CADM2: variants seen among roughly 807,000 people sequenced by gnomAD.
CADM2 encodes cell adhesion molecule 2.
Under a neutral mutation model 49.8 loss-of-function variants are expected in CADM2, and 12 were observed. That is an observed-to-expected ratio of 0.24 (90% CI 0.15 to 0.39). The LOEUF is 0.39. CADM2 is among the 10% of genes least tolerant of loss of function. The pLI is 1.00. For missense variants in CADM2, 378 were observed against 492.3 expected, an observed-to-expected ratio of 0.77 and a Z score of 2.20; for synonymous variants, 214 against 175.4, an observed-to-expected ratio of 1.22 and a Z score of -1.74.
intron 1 of CADM2, among the ~76,000 whole-genome samples, chr3:85,316,689 A>T (rs1321921569): frequency 6.6e-6 from 1 of 152,196 alleles, no homozygotes; most frequent in East Asian, 1.9e-4. Flanking sequence ...TGTTTGAGAT[A>T]CATGTACTTA....
At chr3:85,216,559 A>G (rs1490110496) in intron 1 of CADM2, among the ~76,000 whole-genome samples, 1 of 151,892 alleles carries the variant, frequency 6.6e-6, no homozygotes, top group Non-Finnish European at 1.5e-5. Context: ...TTTTGATACA[A>G]TAAAGCTGCT....
chr3:85,469,502 A>G lies in CADM2; in HGVS notation c.62-257020A>G, dbSNP rs1425684940. ...AAATGATAGGAGTGGCCAGAGCTCAATTTATTCAAAGAGCACCAAATATGA... is the reference window on the plus strand; with the variant it reads ...AAATGATAGGAGTGGCCAGAGCTCAGTTTATTCAAAGAGCACCAAATATGA... On this transcript the variant is annotated intron_variant, in intron 1 of 9. Coordinates refer to ENST00000383699, the MANE Select transcript of CADM2 (RefSeq NM_001167675.2). Among the ~76,000 whole-genome samples, 3 of 152,176 alleles carry G rather than the reference A, an allele frequency of 2.0e-5. No homozygotes were observed. In the East Asian group the frequency reaches 5.8e-4, roughly 29 times the overall value.
chr3:85,512,009 T>G (rs1333035422), intron 1 of CADM2: 1 of 371,802 alleles, frequency 2.7e-6, no homozygotes, highest in African/African-American at 2.2e-5. Flanking sequence ...TAAAATTTTT[T>G]TCAACTCTCA....
chr3:85,080,566 A>G (rs558662568), intron 1 of CADM2, among the ~76,000 whole-genome samples: 24 of 152,226 alleles, frequency 1.6e-4, no homozygotes, highest in African/African-American at 5.8e-4. Flanking sequence ...TTAATCTAAT[A>G]GTACCTCAGG....
intron 1 of CADM2, among the ~76,000 whole-genome samples, chr3:85,149,502 G>A (rs113838181): frequency 0.013 from 2,036 of 152,172 alleles, 41 homozygotes; most frequent in African/African-American, 0.045. Flanking sequence ...TGAGGCAGGC[G>A]GATCATGAGG....
At chr3:85,872,449 G>A (rs2075965773) in intron 3 of CADM2, among the ~76,000 whole-genome samples, 1 of 150,948 alleles carries the variant, frequency 6.6e-6, no homozygotes. Context: ...AATGTTTTTG[G>A]TAAGTTTTGG....
chr3:85,912,387 A>G lies in CADM2; in HGVS notation c.544A>G (p.Lys182Glu). The change falls in exon 6 of 10, where the codon AAA (lysine) becomes GAA (glutamate). Residue 182 changes from lysine (K) to glutamate (E), a missense_variant. Transcript: ENST00000383699. ...DKEIKDVKYLKEEDANRKTFT... is the reference protein window; with the variant it reads ...DKEIKDVKYLEEEDANRKTFT... The stretch of plus-strand genomic sequence containing the variant: ...TTTATTTTCAGATGTAAAATATTTA[A>G]AAGAAGAGGATGCAAATCGCAAGAC... 6.2e-7 allele frequency: 1 copy of G among 1,607,774 alleles called. No individual in the cohort carries two copies. The highest frequency in any genetic ancestry group is 8.5e-7 in the Non-Finnish European group (1 of 1,177,228).
At chr3:85,151,465 A>G (rs150713362) in intron 1 of CADM2, among the ~76,000 whole-genome samples, 2 of 152,308 alleles carry the variant, frequency 1.3e-5, no homozygotes, top group African/African-American at 4.8e-5. Flanking sequence ...TCAGTCCAGA[A>G]TAGAACATAA....
At chr3:85,509,712 T>C (rs2040523599) in intron 1 of CADM2, among the ~76,000 whole-genome samples, 1 of 152,116 alleles carries the variant, frequency 6.6e-6, no homozygotes, top group Non-Finnish European at 1.5e-5. Flanking sequence ...AATAGTTATA[T>C]CAAAAATGAA....
intron 1 of CADM2, among the ~76,000 whole-genome samples, chr3:85,496,820 GT>G (rs1159043469): frequency 6.6e-6 from 1 of 151,886 alleles, no homozygotes; most frequent in East Asian, 1.9e-4. Flanking sequence ...TTCATATGTT[GT>G]TGACCACTTG....
At chr3:85,087,954 C>T (rs933120142) in intron 1 of CADM2, among the ~76,000 whole-genome samples, 5 of 152,068 alleles carry the variant, frequency 3.3e-5, no homozygotes, top group Non-Finnish European at 4.4e-5. Context: ...TGTTTGGCTG[C>T]GGAAACAGTG....
At chr3:85,823,281 G>A (rs979968352) in intron 3 of CADM2, among the ~76,000 whole-genome samples, 3 of 151,992 alleles carry the variant, frequency 2.0e-5, no homozygotes, top group Non-Finnish European at 4.4e-5. Context: ...CAAATTTTAC[G>A]AAATAGCTAA....
intron 1 of CADM2, among the ~76,000 whole-genome samples, chr3:85,254,119 G>C (rs1283680874): frequency 6.6e-6 from 1 of 151,818 alleles, no homozygotes; most frequent in Non-Finnish European, 1.5e-5. Flanking sequence ...CCTTTCACTG[G>C]GTTTAATTTG....
chr3:86,012,100 TAG>T (rs1731586578), intron 8 of CADM2, among the ~76,000 whole-genome samples: 1 of 152,050 alleles, frequency 6.6e-6, no homozygotes, highest in Admixed American at 6.6e-5. Context: ...GTAAGGGACA[TAG>T]CAACCAGCAT....
chr3:85,966,494 A>C (rs1725489567), intron 8 of CADM2, among the ~76,000 whole-genome samples: 1 of 151,642 alleles, frequency 6.6e-6, no homozygotes, highest in Non-Finnish European at 1.5e-5. Flanking sequence ...ATAACAATTC[A>C]TCACTCCTTT....
At chr3:85,717,411 T>C (rs1322205853) in intron 1 of CADM2, among the ~76,000 whole-genome samples, 2 of 152,208 alleles carry the variant, frequency 1.3e-5, no homozygotes, top group Non-Finnish European at 2.9e-5. Flanking sequence ...GATGGGCTTT[T>C]CTAAATATAC....
intron 1 of CADM2, among the ~76,000 whole-genome samples, chr3:85,536,384 C>T (rs978090363): frequency 6.9e-6 from 1 of 145,134 alleles, no homozygotes; most frequent in African/African-American, 2.5e-5. Context: ...GCTAAATATT[C>T]CTTTTTCTAA....
At chr3:85,891,503 A>T (rs1039429522) in intron 5 of CADM2, among the ~76,000 whole-genome samples, 18 of 152,202 alleles carry the variant, frequency 1.2e-4, no homozygotes, top group Admixed American at 5.2e-4. Context: ...GATACTTTAT[A>T]TTACAAAATG....
chr3:85,090,392 T>C (rs946453490), intron 1 of CADM2, among the ~76,000 whole-genome samples: 2 of 152,200 alleles, frequency 1.3e-5, no homozygotes, highest in Non-Finnish European at 2.9e-5. Flanking sequence ...AGTAAGTTCA[T>C]AGAAAAACAC....
Sources: gnomAD v4.1 joint callset for allele counts (sites outside exome capture counted in the v4.1 genomes callset) on GRCh38, gnomAD v4.1.1 for gene constraint, MANE v1.5 for transcripts, NCBI Gene and HGNC (gene_info 2026-07-23, HGNC 2026-07-21) for gene names.